The following CNIH3 variants were observed in gnomAD, a reference collection of about 807,000 sequenced individuals.
CNIH3 encodes the protein protein cornichon homolog 3.
CNIH3 carries 14 observed loss-of-function variants against 24.1 expected under a neutral mutation model. That is an observed-to-expected ratio of 0.58 (90% CI 0.38 to 0.91). The LOEUF is 0.91. CNIH3 is among the 40% of genes least tolerant of loss of function. The probability of loss-of-function intolerance (pLI) is 0.00; values close to 1 mark genes in which losing one functional copy is unlikely to be tolerated. For missense variants in CNIH3, 178 were observed against 196.8 expected, an observed-to-expected ratio of 0.90 and a Z score of 0.57; for synonymous variants, 68 against 73.8, an observed-to-expected ratio of 0.92 and a Z score of 0.40.
At chr1:224,500,014 T>C (rs1677589234) in intron 1 of CNIH3, among the ~76,000 whole-genome samples, 1 of 152,084 alleles carries the variant, frequency 6.6e-6, no homozygotes, top group African/African-American at 2.4e-5. Flanking sequence ...TTTTTCTTTT[T>C]TCTTTTTGAG....
At chr1:224,636,143 G>A (rs1684079100) in intron 1 of CNIH3, among the ~76,000 whole-genome samples, 1 of 152,248 alleles carries the variant, frequency 6.6e-6, no homozygotes, top group Admixed American at 6.5e-5. Flanking sequence ...GTTGTTAGAA[G>A]TGTTGGTTGC....
chr1:224,477,517 A>G (rs2103006701), intron 1 of CNIH3, among the ~76,000 whole-genome samples: 1 of 152,356 alleles, frequency 6.6e-6, no homozygotes, highest in South Asian at 2.1e-4. Context: ...CAAGCAAAAA[A>G]CAAATGAACA....
chr1:224,675,069 T>C (rs949500606), intron 1 of CNIH3, among the ~76,000 whole-genome samples: 12 of 152,176 alleles, frequency 7.9e-5, no homozygotes, highest in African/African-American at 2.9e-4. Flanking sequence ...TTTCCACTGC[T>C]TTGCTGCCAA....
At chr1:224,596,087 A>G (rs57229243) in intron 3 of CNIH3, among the ~76,000 whole-genome samples, 3,963 of 152,314 alleles carry the variant, frequency 0.026, 175 homozygotes, top group African/African-American at 0.09. Flanking sequence ...ACAGATTTTC[A>G]ATGTAGATGA....
At chr1:224,569,008 G>T (rs1458447466) in intron 4 of CNIH3, among the ~76,000 whole-genome samples, 1 of 152,130 alleles carries the variant, frequency 6.6e-6, no homozygotes, top group Non-Finnish European at 1.5e-5. Flanking sequence ...GAGTAGCTGG[G>T]ATTACAGGCA....
At chr1:224,534,175 AAAC>A (rs759361324) in intron 2 of CNIH3, among the ~76,000 whole-genome samples, 7 of 152,202 alleles carry the variant, frequency 4.6e-5, no homozygotes, top group Non-Finnish European at 1.0e-4. Flanking sequence ...AGATAAAACA[AAAC>A]AACAAAAAAC....
At chr1:224,558,717 A>T (rs1680242816) in intron 3 of CNIH3, among the ~76,000 whole-genome samples, 1 of 152,186 alleles carries the variant, frequency 6.6e-6, no homozygotes, top group Non-Finnish European at 1.5e-5. Flanking sequence ...AAAGGGGCAC[A>T]TGCACTGGGT....
chr1:224,689,141 G>A (rs770766544), intron 3 of CNIH3, among the ~76,000 whole-genome samples: 5 of 152,036 alleles, frequency 3.3e-5, no homozygotes, highest in Non-Finnish European at 7.4e-5. Flanking sequence ...TTTTGGTGAA[G>A]CGTGCAAACA....
At chr1:224,571,886 G>A (rs1170437670) in intron 4 of CNIH3, among the ~76,000 whole-genome samples, 1 of 152,180 alleles carries the variant, frequency 6.6e-6, no homozygotes, top group African/African-American at 2.4e-5. Context: ...GCCCAAGCAG[G>A]TTTTCCACAG....
intron 1 of CNIH3, among the ~76,000 whole-genome samples, chr1:224,656,125 A>G (rs1685082833): frequency 6.6e-6 from 1 of 152,192 alleles, no homozygotes; most frequent in Non-Finnish European, 1.5e-5. Flanking sequence ...TTCCTCAATC[A>G]TGGGGAATCT....
intron 2 of CNIH3, among the ~76,000 whole-genome samples, chr1:224,522,865 G>A (rs1253289293): frequency 4.6e-5 from 7 of 152,188 alleles, no homozygotes; most frequent in African/African-American, 1.4e-4. Flanking sequence ...TCTATTAAAG[G>A]CAAATGTATG....
intron 1 of CNIH3, among the ~76,000 whole-genome samples, chr1:224,478,950 A>C (rs1008604208): frequency 6.6e-6 from 1 of 152,098 alleles, no homozygotes; most frequent in Admixed American, 6.6e-5. Context: ...TACTGTCACA[A>C]GAACGGCATG....
chr1:224,629,122 TC>T (rs1683692263), intron 1 of CNIH3, among the ~76,000 whole-genome samples: 1 of 152,008 alleles, frequency 6.6e-6, no homozygotes, highest in African/African-American at 2.4e-5. Flanking sequence ...TTCTCCTGCC[TC>T]AGCCTCCTGA....
Position 224,616,821 on chromosome 1 carries a change from T to C in CNIH3, c.-354T>C. ...CCTCCTCCCTCGGTCCTCCGTGGAG[T>C]CGTCGCATCGCTTGTCGTGTTGGTC... On this transcript the variant is annotated 5_prime_UTR_variant, in exon 1 of 6. Coordinates refer to ENST00000272133, the MANE Select transcript of CNIH3 (RefSeq NM_152495.2). 9.1e-7 allele frequency: 1 copy of C among 1,101,702 alleles called. No individual in the cohort carries two copies. Among genetic ancestry groups the C allele is most frequent in the Non-Finnish European group, 1.1e-6 (1 of 904,258 alleles). The allele number at this position is 1,101,702 out of a possible 1,614,324, so 68.2% of individuals were successfully genotyped here.
At chr1:224,515,109 T>C (rs1678326917), upstream of CNIH3, among the ~76,000 whole-genome samples, 1 of 152,224 alleles carries the variant, frequency 6.6e-6, no homozygotes, top group South Asian at 2.1e-4. Flanking sequence ...TGCCCACTTT[T>C]AATGTTTTTA....
At chr1:224,644,141 T>C (rs1290754934) in intron 1 of CNIH3, among the ~76,000 whole-genome samples, 1 of 152,250 alleles carries the variant, frequency 6.6e-6, no homozygotes, top group African/African-American at 2.4e-5. Context: ...ATTCAACGCA[T>C]GCTTGGTGAC....
upstream of CNIH3, among the ~76,000 whole-genome samples, chr1:224,511,404 T>A (rs1678145800): frequency 6.6e-6 from 1 of 152,190 alleles, no homozygotes; most frequent in Non-Finnish European, 1.5e-5. Flanking sequence ...ACTATGTAAA[T>A]AGCTGAGTAT....
chr1:224,464,775 TC>T (rs1405076945), intron 1 of CNIH3, among the ~76,000 whole-genome samples: 1 of 152,230 alleles, frequency 6.6e-6, no homozygotes, highest in Non-Finnish European at 1.5e-5. Flanking sequence ...GCTGTATTCT[TC>T]TTTTTTTTAA....
chr1:224,553,196 G>A (rs915469144), intron 3 of CNIH3, among the ~76,000 whole-genome samples: 4 of 144,200 alleles, frequency 2.8e-5, no homozygotes, highest in African/African-American at 9.9e-5. Flanking sequence ...TAATATCACA[G>A]GGGGTATACC....
Sources: gnomAD v4.1 joint callset for allele counts (sites outside exome capture counted in the v4.1 genomes callset) on GRCh38, gnomAD v4.1.1 for gene constraint, MANE v1.5 for transcripts, NCBI Gene and HGNC (gene_info 2026-07-23, HGNC 2026-07-21) for gene names.